SOX10: variants seen among roughly 807,000 people sequenced by gnomAD.
SOX10 encodes the protein transcription factor SOX-10.
SOX10 carries 3 observed loss-of-function variants against 35.0 expected under a neutral mutation model. The ratio of observed to expected loss-of-function variants is 0.09; its 90% CI spans 0.04 to 0.22. The LOEUF is 0.22. Ranked by LOEUF, SOX10 falls within the 10% of genes least tolerant of loss-of-function variation. The pLI is 1.00. For missense variants in SOX10, 436 were observed against 655.1 expected (o/e 0.67, Z 3.65); for synonymous variants, 285 against 291.0 (o/e 0.98, Z 0.21).
Position 37,978,069 on chromosome 22 carries a change from C to T in SOX10, c.495G>A (p.Lys165=). 1 of 1,609,176 alleles carries T rather than the reference C, an allele frequency of 6.2e-7. No individual in the cohort carries two copies. The highest frequency in any genetic ancestry group is 8.5e-7 in the Non-Finnish European group (1 of 1,178,470). The change falls in exon 3 of 4, where the codon AAG becomes AAA. Residue 165 remains lysine, a synonymous_variant. Transcript: ENST00000396884. This position sits in a 1 kb window ranked among gnomAD's most constrained non-coding sequence, Gnocchi z 5.0. The part of the protein sequence containing the change: ...EEAERLRMQH[K]KDHPDYKYQP... The stretch of plus-strand genomic sequence containing the variant: ...GGTACTTGTAGTCCGGGTGGTCTTT[C>T]TTGTGCTGCATACGGAGCCGCTCAG...
At position 37,978,027 on chromosome 22, in the gene SOX10, C is replaced by G; in HGVS notation, c.537G>C (p.Lys179Asn). The G allele has an allele frequency of 6.2e-7, 1 of 1,611,514 alleles. No homozygotes were observed. The highest frequency in any genetic ancestry group is 8.5e-7 in the Non-Finnish European group (1 of 1,179,502). ...CCTCGCCCTGGGCGGCCTTCCCGTT[C>G]TTCCGCCGCCTGGGCTGGTACTTGT... ...PDYKYQPRRR[K>N]NGKAAQGEAE... The change falls in exon 3 of 4, where the codon AAG becomes AAC. Residue 179 changes from lysine (K) to asparagine (N), a missense_variant. Coordinates refer to ENST00000396884, the MANE Select transcript of SOX10 (RefSeq NM_006941.4). This position sits in a 1 kb window ranked among gnomAD's most constrained non-coding sequence, Gnocchi z 5.0.
intron 3 of SOX10, among the ~76,000 whole-genome samples, chr22:37,975,933 T>C (rs1932206648): frequency 6.6e-6 from 1 of 151,910 alleles, no homozygotes. Context: ...TCTATATATA[T>C]ACTATATATA....
chr22:37,983,917 G>A lies in SOX10; in HGVS notation c.-84-49C>T, dbSNP rs1445707075. 1 of 692,296 alleles carries A rather than the reference G, an allele frequency of 1.4e-6. No homozygotes were observed. The highest frequency in any genetic ancestry group is 2.0e-6 in the Non-Finnish European group (1 of 496,534). 42.9% of individuals were successfully genotyped at this position (692,296 alleles called of 1,614,324 possible). A position where few individuals can be genotyped will look rare whatever the true frequency, so the allele number is the denominator to read the frequency against. ...GAGCGGCCGCGCGCGCAGCCCCGAGGGCGGCCCGAGACAGGACGTGGGCAC... is the reference window on the plus strand; with the variant it reads ...GAGCGGCCGCGCGCGCAGCCCCGAGAGCGGCCCGAGACAGGACGTGGGCAC... On this transcript the variant is annotated intron_variant, in intron 1 of 3. Transcript: ENST00000396884. This position sits in a 1 kb window ranked among gnomAD's most constrained non-coding sequence, Gnocchi z 9.5.
rs761741529 is a variant in SOX10, at chr22:37,973,856, G to A, written c.1040C>T (p.Pro347Leu). Residue 347 changes from proline (P) to leucine (L), a missense_variant, in exon 4 of 4, where the codon CCA (proline) becomes CTA (leucine). Around this residue, in one of 3 missense-constraint regions of SOX10, gnomAD observed 285 missense variants for 402.9 expected, o/e 0.71. Coordinates refer to ENST00000396884, the MANE Select transcript of SOX10 (RefSeq NM_006941.4). ...CTGGGCTTTGGCATCCACACCAGGT[G>A]GTGAGACCGTGGGCAGAGCCACGCC... ...PPGVALPTVS[P>L]PGVDAKAQVK... is the part of the protein sequence containing the mutation. The A allele has an allele frequency of 3.1e-6, 5 of 1,608,330 alleles. No homozygotes were observed. The East Asian group carries it at 1.1e-4, about 36-fold the overall frequency.
chr22:37,983,594 T>G lies in SOX10; in HGVS notation c.191A>C (p.Asp64Ala), dbSNP rs372400283. The G allele has an allele frequency of 5.6e-6, 9 of 1,608,940 alleles. No homozygotes were observed. The highest frequency in any genetic ancestry group is 6.8e-6 in the Non-Finnish European group (8 of 1,178,948). Residue 64 changes from aspartate to alanine, a missense_variant, in exon 2 of 4, where the codon GAC becomes GCC. This residue lies in a region of SOX10 where 97 missense variants were observed against 95.5 expected (regional missense o/e 1.02). Transcript: ENST00000396884. The surrounding 1 kb of genome is among the most constrained non-coding windows in gnomAD (Gnocchi z 9.5). ...VKKEQQDGEADDDKFPVCIRE... is the reference protein window; with the variant it reads ...VKKEQQDGEAADDKFPVCIRE... ...GATGCACACGGGGAACTTGTCATCG[T>G]CCGCCTCGCCGTCCTGCTGCTCCTT...
Position 37,973,606 on chromosome 22 carries a change from G to A in SOX10, c.1290C>T (p.Pro430=). ...GLYSAFSYMG[P]SQRPLYTAIS... ...TGGCCGTGTAGAGGGGCCGCTGCGA[G>A]GGCCCCATATAGGAGAAGGCCGAGT... The change falls in exon 4 of 4, where the codon CCC becomes CCT. Residue 430 remains proline (P), a synonymous_variant. Transcript: ENST00000396884. 1 of 1,613,180 alleles carries A rather than the reference G, an allele frequency of 6.2e-7. No individual in the cohort carries two copies. The highest frequency in any genetic ancestry group is 8.5e-7 in the Non-Finnish European group (1 of 1,179,510).
Position 37,983,734 on chromosome 22 carries a change from C to T in SOX10, c.51G>A (p.Ser17=), listed in dbSNP as rs1308432872. 1 of 1,483,736 alleles carries T rather than the reference C, an allele frequency of 6.7e-7. No homozygotes were observed. Among genetic ancestry groups the T allele is most frequent in the Non-Finnish European group, 8.9e-7 (1 of 1,123,870 alleles). 91.9% of individuals were successfully genotyped at this position (1,483,736 alleles called of 1,614,324 possible). A position where few individuals can be genotyped will look rare whatever the true frequency, so the allele number is the denominator to read the frequency against. Reference sequence around the variant, plus strand: ...CCGGGGACAGGCAGCGGGGCTCCTCCGAGCCCACGGGGCTCAGCTCCACCT... The same window carrying T: ...CCGGGGACAGGCAGCGGGGCTCCTCTGAGCCCACGGGGCTCAGCTCCACCT... The part of the protein sequence containing the change: ...LSEVELSPVG[S]EEPRCLSPGS... Residue 17 remains serine (S), a synonymous_variant, in exon 2 of 4, where the codon TCG becomes TCA. Coordinates refer to ENST00000396884, the MANE Select transcript of SOX10 (RefSeq NM_006941.4). This position sits in a 1 kb window ranked among gnomAD's most constrained non-coding sequence, Gnocchi z 9.5.
At position 37,973,276 on chromosome 22, in the gene SOX10, C is replaced by T. The variant is rs553365271; in HGVS notation, c.*219G>A. On this transcript the variant is annotated 3_prime_UTR_variant, in exon 4 of 4. Transcript: ENST00000396884. ...GGGTGCAACAGTCAACCTCCTTCTCCTCTGTCCAGCCTGTTCTCCTGGGGC... is the reference window on the plus strand; with the variant it reads ...GGGTGCAACAGTCAACCTCCTTCTCTTCTGTCCAGCCTGTTCTCCTGGGGC... The T allele has an allele frequency of 7.6e-6, 4 of 527,276 alleles. No individual in the cohort carries two copies. The highest frequency in any genetic ancestry group is 1.3e-5 in the Non-Finnish European group (4 of 297,264). 32.7% of individuals were successfully genotyped at this position (527,276 alleles called of 1,614,324 possible). A position where few individuals can be genotyped will look rare whatever the true frequency, so the allele number is the denominator to read the frequency against.
rs1932158640 is a variant in SOX10, at chr22:37,974,295, G to A, written c.698-97C>T. On this transcript the variant is annotated intron_variant, in intron 3 of 3. Coordinates refer to ENST00000396884, the MANE Select transcript of SOX10 (RefSeq NM_006941.4). The surrounding 1 kb of genome is among the most constrained non-coding windows in gnomAD (Gnocchi z 5.4). ...CTTCCATGGTTCACCTTCAGGCAGC[G>A]GGTGCCTCTGGGAAAACCTTGTAAG... The A allele has an allele frequency of 4.5e-6, 4 of 882,552 alleles. No homozygotes were observed. The highest frequency in any genetic ancestry group is 7.1e-6 in the Non-Finnish European group (4 of 563,654). The allele number at this position is 882,552 out of a possible 1,614,324, so 54.7% of individuals were successfully genotyped here.
Position 37,973,235 on chromosome 22 carries a change from C to G in SOX10, c.*260G>C, listed in dbSNP as rs1311644940. The G allele has an allele frequency of 6.6e-6, 3 of 456,816 alleles. No individual in the cohort carries two copies. Among genetic ancestry groups the G allele is most frequent in the Admixed American group, 3.7e-5 (1 of 26,920 alleles). 28.3% of individuals were successfully genotyped at this position (456,816 alleles called of 1,614,324 possible). ...GTCATTCCTGGGGGAAGGTGCAGCC[C>G]CTCATCTTTCAGTGTGGGTGCAACA... On this transcript the variant is annotated 3_prime_UTR_variant, in exon 4 of 4. Transcript: ENST00000396884.
At chr22:37,982,508 G>A (rs1296045094) in intron 2 of SOX10, among the ~76,000 whole-genome samples, 1 of 152,200 alleles carries the variant, frequency 6.6e-6, no homozygotes, top group East Asian at 1.9e-4. Flanking sequence ...TCCTAGAGGT[G>A]TGGGCTGGTC....
At chr22:37,982,626 A>T (rs1264804714) in intron 2 of SOX10, among the ~76,000 whole-genome samples, 2 of 152,014 alleles carry the variant, frequency 1.3e-5, no homozygotes, top group Non-Finnish European at 2.9e-5. Context: ...GAGGTTGCTC[A>T]ACGTTGGGGT....
chr22:37,973,859 G>A lies in SOX10; in HGVS notation c.1037C>T (p.Ser346Leu). The change falls in exon 4 of 4, where the codon TCA (serine) becomes TTA (leucine). Residue 346 changes from serine to leucine, a missense_variant. Transcript: ENST00000396884. The stretch of plus-strand genomic sequence containing the variant: ...GGCTTTGGCATCCACACCAGGTGGT[G>A]AGACCGTGGGCAGAGCCACGCCTGG... ...KPPGVALPTV[S>L]PPGVDAKAQV... 3 of 1,608,128 alleles carry A rather than the reference G, an allele frequency of 1.9e-6. No homozygotes were observed. Among genetic ancestry groups the A allele is most frequent in the Non-Finnish European group, 2.5e-6 (3 of 1,176,828 alleles).
At position 37,983,862 on chromosome 22, in the gene SOX10, C is replaced by T. The variant is rs1932488711; in HGVS notation, c.-78G>A. The T allele has an allele frequency of 8.0e-7, 1 of 1,247,772 alleles. No homozygotes were observed. Among genetic ancestry groups the T allele is most frequent in the Non-Finnish European group, 1.0e-6 (1 of 974,632 alleles). The allele number at this position is 1,247,772 out of a possible 1,614,324, so 77.3% of individuals were successfully genotyped here. A position where few individuals can be genotyped will look rare whatever the true frequency, so the allele number is the denominator to read the frequency against. On this transcript the variant is annotated 5_prime_UTR_variant, in exon 2 of 4. Transcript: ENST00000396884. This position sits in a 1 kb window ranked among gnomAD's most constrained non-coding sequence, Gnocchi z 9.5. ...GCCGGGGTCCTCGCAAAGAGTCCAA[C>T]GCCCACCTGGATGGAAGGAGGGCGC...
In SOX10 at chr22:37,977,922, G is replaced by T; in HGVS notation, c.642C>A (p.His214Gln). ...TGGGGGAGCCCTCTCCTGGGTGCCG[G>T]TGGTCCAAGTGGGCGCTCTTGTAGT... ...QAHYKSAHLDHRHPGEGSPMS... is the reference protein window; with the variant it reads ...QAHYKSAHLDQRHPGEGSPMS... The change falls in exon 3 of 4, where the codon CAC becomes CAA. Residue 214 changes from histidine (H) to glutamine (Q), a missense_variant. Coordinates refer to ENST00000396884, the MANE Select transcript of SOX10 (RefSeq NM_006941.4). 1 of 1,613,030 alleles carries T rather than the reference G, an allele frequency of 6.2e-7. No individual in the cohort carries two copies.
intron 2 of SOX10, among the ~76,000 whole-genome samples, chr22:37,981,510 G>A (rs1601885253): frequency 6.6e-6 from 1 of 152,218 alleles, no homozygotes; most frequent in African/African-American, 2.4e-5. Context: ...CCAAGCCCAG[G>A]GTTCTGGGCT....
At chr22:37,975,391 G>T (rs906554378) in intron 3 of SOX10, among the ~76,000 whole-genome samples, 16 of 152,170 alleles carry the variant, frequency 1.1e-4, no homozygotes, top group African/African-American at 3.9e-4. Flanking sequence ...GTCTGAGTGG[G>T]GTGGGGCCTT....
Position 37,974,316 on chromosome 22 carries a change from GT to G in SOX10, c.698-119del, listed in dbSNP as rs1403507309. 4.1e-6 allele frequency: 3 copies of G among 731,466 alleles called. No individual in the cohort carries two copies. The highest frequency in any genetic ancestry group is 6.8e-6 in the Non-Finnish European group (3 of 442,494). The allele number at this position is 731,466 out of a possible 1,614,324, so 45.3% of individuals were successfully genotyped here. On this transcript the variant is annotated intron_variant, in intron 3 of 3. Transcript: ENST00000396884. The surrounding 1 kb of genome is among the most constrained non-coding windows in gnomAD (Gnocchi z 5.4). Reference sequence around the variant, plus strand: ...CAGCGGGTGCCTCTGGGAAAACCTTGTAAGTTTCACATTTTGGCAGCATGAG... The same window carrying G: ...CAGCGGGTGCCTCTGGGAAAACCTTGAAGTTTCACATTTTGGCAGCATGAG...
In SOX10 at chr22:37,980,812, A is replaced by C. The variant is rs967379160; in HGVS notation, c.428+2545T>G. On this transcript the variant is annotated intron_variant, in intron 2 of 3. Coordinates refer to ENST00000396884, the MANE Select transcript of SOX10 (RefSeq NM_006941.4). This position sits in a 1 kb window ranked among gnomAD's most constrained non-coding sequence, Gnocchi z 4.1. Reference sequence around the variant, plus strand: ...GAAACCCCAACCGGGGACCTCCCACAGTGGGGCACTGATTGCTGCTACCTG... The same window carrying C: ...GAAACCCCAACCGGGGACCTCCCACCGTGGGGCACTGATTGCTGCTACCTG... 2.0e-5 allele frequency among the ~76,000 whole-genome samples: 3 copies of C among 152,216 alleles called. No homozygotes were observed. Among genetic ancestry groups the C allele is most frequent in the African/African-American group, 7.2e-5 (3 of 41,452 alleles).
Sources: allele counts gnomAD v4.1 joint callset (sites outside exome capture counted in the v4.1 genomes callset), GRCh38; gene constraint gnomAD v4.1.1; regional missense constraint gnomAD v4.1.1; non-coding constraint Gnocchi (gnomAD v3.1); transcripts MANE v1.5; gene names NCBI Gene and HGNC (gene_info 2026-07-23, HGNC 2026-07-21).